SYTL2: variants seen among roughly 807,000 people sequenced by gnomAD.
SYTL2 encodes synaptotagmin-like protein 2.
SYTL2 carries 165 observed loss-of-function variants against 198.7 expected under a neutral mutation model. The ratio of observed to expected loss-of-function variants is 0.83; its 90% CI spans 0.73 to 0.94. The LOEUF is 0.94. Ranked by LOEUF, SYTL2 falls within the 40% of genes least tolerant of loss-of-function variation. The probability of loss-of-function intolerance (pLI) is 0.00; values close to 1 mark genes in which losing one functional copy is unlikely to be tolerated. For synonymous variants in SYTL2, 966 were observed against 917.7 expected (o/e 1.05, Z -0.95); for missense variants, 2,835 against 2,582.8 (o/e 1.10, Z -2.12).
chr11:85,804,156 T>C lies in SYTL2; in HGVS notation c.-390+6798A>G, dbSNP rs144159367. Among the ~76,000 whole-genome samples, 4 of 152,322 alleles carry C rather than the reference T, an allele frequency of 2.6e-5. No homozygotes were observed. In the East Asian group the frequency reaches 7.7e-4, roughly 29 times the overall value. On this transcript the variant is annotated intron_variant, in intron 1 of 19. Coordinates refer to ENST00000359152, the MANE Select transcript of SYTL2 (RefSeq NM_206927.4). Reference sequence around the variant, plus strand: ...TGTAGTCTGGTGTCACCCCCTAATATTTCCTGAAATACTTAAACTTTATTA... The same window carrying C: ...TGTAGTCTGGTGTCACCCCCTAATACTTCCTGAAATACTTAAACTTTATTA...
intron 19 of SYTL2, 44 bp from the exon 20 acceptor site, chr11:85,695,384 G>T (rs2276018): frequency 0.047 from 69,462 of 1,487,982 alleles, 2,078 homozygotes; most frequent in East Asian, 0.11. Flanking sequence ...CAGCTCATTG[G>T]GGGTAGGGGA....
the SYTL2 span, among the ~76,000 whole-genome samples, chr11:85,841,344 G>A: frequency 4.6e-5 from 7 of 152,138 alleles, no homozygotes; most frequent in South Asian, 4.1e-4. Flanking sequence ...GAATATAATC[G>A]TCCTACTACA....
the SYTL2 span, among the ~76,000 whole-genome samples, chr11:85,842,992 T>C: frequency 3.3e-5 from 5 of 152,342 alleles, no homozygotes; most frequent in Non-Finnish European, 4.4e-5. Context: ...CTGTAGAATG[T>C]GTTCAGTTCC....
At position 85,757,599 on chromosome 11, in the gene SYTL2, T is replaced by C. The variant is rs770077544; in HGVS notation, c.101+26A>G. On this transcript the variant is annotated intron_variant, in intron 2 of 19. Coordinates refer to ENST00000359152, the MANE Select transcript of SYTL2 (RefSeq NM_206927.4). ...TACAGACTGCCTCTTCCTTCCCTCA[T>C]GCCCAAGGCTTCTCTGGCCTCTTAC... The C allele has an allele frequency of 1.1e-5, 17 of 1,611,626 alleles. 1 individual carries two copies. In the South Asian group the frequency reaches 1.5e-4, roughly 15 times the overall value.
chr11:85,708,439 G>C (rs1156313251), intron 14 of SYTL2, among the ~76,000 whole-genome samples: 1 of 151,978 alleles, frequency 6.6e-6, no homozygotes, highest in Non-Finnish European at 1.5e-5. Flanking sequence ...TCTGTATAGG[G>C]ATAAGTAGGG....
chr11:85,835,053 C>T, the SYTL2 span, among the ~76,000 whole-genome samples: 24,009 of 152,094 alleles, frequency 0.16, 2,074 homozygotes, highest in Middle Eastern at 0.2. Context: ...AGCCACCATA[C>T]CCAGCCCTTA....
rs769863140 is a variant in SYTL2 at position 85,725,094 on chromosome 11, T to C, written c.4264A>G (p.Thr1422Ala). The C allele has an allele frequency of 1.6e-5, 26 of 1,614,056 alleles. No individual in the cohort carries two copies. The highest frequency in any genetic ancestry group is 2.2e-5 in the Non-Finnish European group (26 of 1,180,012). The change falls in exon 8 of 20, where the codon ACG becomes GCG. Residue 1422 changes from threonine to alanine, a missense_variant. Physicochemically the swap from Thr to Ala is moderately conservative, Grantham distance 58 (BLOSUM62 0). This residue lies in a region of SYTL2 where 2,645 missense variants were observed against 2,381.7 expected (regional missense o/e 1.11). Coordinates refer to ENST00000359152, the MANE Select transcript of SYTL2 (RefSeq NM_206927.4). ...NPPGVISPWA[T>A]MDTIVPDRKD... is the part of the protein sequence containing the mutation. ...CTGTCTGGAACTATGGTGTCCATCG[T>C]AGCCCATGGTGATATCACTCCTGGA...
At chr11:85,722,796 ATTTC>A (rs895562963) in intron 8 of SYTL2, among the ~76,000 whole-genome samples, 2 of 152,036 alleles carry the variant, frequency 1.3e-5, no homozygotes, top group Non-Finnish European at 2.9e-5. Flanking sequence ...TGATATTTCA[ATTTC>A]TTTCTTTTTT....
chr11:85,735,807 T>C (rs988395907), intron 6 of SYTL2, among the ~76,000 whole-genome samples: 13 of 152,022 alleles, frequency 8.6e-5, no homozygotes, highest in Non-Finnish European at 1.8e-4. Context: ...GTTCCAGTGA[T>C]TTTCTTCTAC....
intron 2 of SYTL2, among the ~76,000 whole-genome samples, chr11:85,753,090 A>G (rs1311309568): frequency 2.1e-5 from 3 of 140,724 alleles, no homozygotes; most frequent in African/African-American, 7.4e-5. Flanking sequence ...GTGGTGGTGT[A>G]CAGACAGACA....
intron 13 of SYTL2, among the ~76,000 whole-genome samples, chr11:85,710,317 G>A (rs2153421976): frequency 6.6e-6 from 1 of 152,294 alleles, no homozygotes; most frequent in Admixed American, 6.5e-5. Context: ...GATTGATGAA[G>A]GGAGTTTAAA....
the SYTL2 span, among the ~76,000 whole-genome samples, chr11:85,817,895 GTCTTT>G: frequency 1.3e-4 from 17 of 135,748 alleles, no homozygotes; most frequent in African/African-American, 4.8e-4. Context: ...GGACCTTTGT[GTCTTT>G]TCTTTTTTTT....
rs1342874228 is a variant in SYTL2, at chr11:85,766,219, G to GT, written c.-389-8106dup. Among the ~76,000 whole-genome samples, 3 of 152,154 alleles carry GT rather than the reference G, an allele frequency of 2.0e-5. No homozygotes were observed. In the East Asian group the frequency reaches 5.8e-4, roughly 29 times the overall value. On this transcript the variant is annotated intron_variant, in intron 1 of 19. Coordinates refer to ENST00000359152, the MANE Select transcript of SYTL2 (RefSeq NM_206927.4). Reference sequence around the variant, plus strand: ...GAGGCCTAAAGTGTCAAGGGGGGGAGTTTGAACCTGAATTTTTCATGCTTG... The same window carrying GT: ...GAGGCCTAAAGTGTCAAGGGGGGGAGTTTTGAACCTGAATTTTTCATGCTTG...
chr11:85,834,467 T>C, the SYTL2 span, among the ~76,000 whole-genome samples: 3 of 152,252 alleles, frequency 2.0e-5, no homozygotes, highest in South Asian at 4.1e-4. Flanking sequence ...AAAGCCCTTA[T>C]CTTAAAATGT....
At chr11:85,799,457 T>C (rs538495888) in intron 1 of SYTL2, among the ~76,000 whole-genome samples, 2 of 152,298 alleles carry the variant, frequency 1.3e-5, no homozygotes, top group African/African-American at 4.8e-5. Context: ...TAAGAACAGC[T>C]AGGATTTCAG....
intron 1 of SYTL2, among the ~76,000 whole-genome samples, chr11:85,760,732 T>A (rs773311851): frequency 3.6e-4 from 55 of 152,220 alleles, no homozygotes; most frequent in Admixed American, 2.2e-3. Flanking sequence ...ATGGGCAACA[T>A]TGGCTTCCAC....
the SYTL2 span, among the ~76,000 whole-genome samples, chr11:85,832,998 AAAAAAAAGAAAGAAAAGAAAGAAAGAAAG>A: frequency 1.9e-5 from 2 of 106,558 alleles, no homozygotes; most frequent in African/African-American, 7.4e-5. Context: ...CCTGTCTCAA[AAAAAAAAGAAAGAAAAGAAAGAAAGAAAG>A]AAAGAAAGAA....
rs151221015 is a variant in SYTL2 at position 85,710,939 on chromosome 11, G to A, written c.5745+174C>T. 3.4e-3 allele frequency among the ~76,000 whole-genome samples: 515 copies of A among 151,842 alleles called. 1 individual carries two copies. The highest frequency in any genetic ancestry group is 0.012 in the African/African-American group (495 of 41,400). On this transcript the variant is annotated intron_variant, in intron 13 of 19. Transcript: ENST00000359152. Reference sequence around the variant, plus strand: ...TTTGTTTATGATGGATATGAACCCCGTTAGTCTAAAAAAAAAAAGATAGAT... The same window carrying A: ...TTTGTTTATGATGGATATGAACCCCATTAGTCTAAAAAAAAAAAGATAGAT...
chr11:85,725,346 G>A lies in SYTL2; in HGVS notation c.4012C>T (p.His1338Tyr), dbSNP rs1217319476. The A allele has an allele frequency of 1.9e-6, 3 of 1,613,918 alleles. No homozygotes were observed. The highest frequency in any genetic ancestry group is 1.3e-5 in the African/African-American group (1 of 75,024). Residue 1338 changes from histidine to tyrosine, a missense_variant, in exon 8 of 20, where the codon CAT becomes TAT. Physicochemically the swap from His to Tyr is moderately conservative, Grantham distance 83. This residue lies in a region of SYTL2 where 2,645 missense variants were observed against 2,381.7 expected (regional missense o/e 1.11). Transcript: ENST00000359152. The part of the protein sequence containing the change: ...PQDMLFPQDA[H>Y]LVPQARVHPS... Reference sequence around the variant, plus strand: ...TGTACCCTAGCCTGGGGAACAAGATGAGCATCCTGGGGAAAAAGCATATCT... The same window carrying A: ...TGTACCCTAGCCTGGGGAACAAGATAAGCATCCTGGGGAAAAAGCATATCT...
Sources: allele counts gnomAD v4.1 joint callset (sites outside exome capture counted in the v4.1 genomes callset), GRCh38; gene constraint gnomAD v4.1.1; regional missense constraint gnomAD v4.1.1; transcripts MANE v1.5; gene names NCBI Gene and HGNC (gene_info 2026-07-23, HGNC 2026-07-21).